The following DHX9 variants were observed in gnomAD, a reference collection of about 807,000 sequenced individuals.
The protein encoded by DHX9 is ATP-dependent RNA helicase A.
A neutral mutation model predicts 148.7 loss-of-function variants in DHX9; 27 were observed. The ratio of observed to expected loss-of-function variants is 0.18; its 90% CI spans 0.13 to 0.25. The LOEUF is 0.25. DHX9 is among the 10% of genes least tolerant of loss of function. The probability of loss-of-function intolerance (pLI) is 1.00; values close to 1 mark genes in which losing one functional copy is unlikely to be tolerated. For missense variants in DHX9, 796 were observed against 1,559.6 expected, an observed-to-expected ratio of 0.51 and a Z score of 8.25; for synonymous variants, 529 against 516.6, an observed-to-expected ratio of 1.02 and a Z score of -0.33.
chr1:182,864,078 C>T (rs578201425), intron 12 of DHX9, among the ~76,000 whole-genome samples: 21 of 152,086 alleles, frequency 1.4e-4, no homozygotes, highest in Non-Finnish European at 2.6e-4. Flanking sequence ...GTGGGAGGAT[C>T]GCTTGAACCT....
intron 1 of DHX9, among the ~76,000 whole-genome samples, chr1:182,841,832 A>G (rs544362934): frequency 2.4e-4 from 36 of 152,236 alleles, no homozygotes; most frequent in Non-Finnish European, 4.0e-4. Flanking sequence ...GCACTTCAAG[A>G]AAACTTTAAT....
At chr1:182,866,866 T>TC in intron 13 of DHX9, 95 bp from the exon 14 acceptor site, 3 of 957,270 alleles carry the variant, frequency 3.1e-6, no homozygotes, top group Non-Finnish European at 4.8e-6. Flanking sequence ...TTTTCTAAAA[T>TC]GATGCTGGGG....
Position 182,878,189 on chromosome 1 carries a change from G to C in DHX9, c.2351+16G>C. Reference sequence around the variant, plus strand: ...GTTTTGAGAGGTAAGACCCATTCTTGACCTTTAGTAAGGGATTTTTGTTCT... The same window carrying C: ...GTTTTGAGAGGTAAGACCCATTCTTCACCTTTAGTAAGGGATTTTTGTTCT... On this transcript the variant is annotated intron_variant, in intron 20 of 27. Coordinates refer to ENST00000367549, the MANE Select transcript of DHX9 (RefSeq NM_001357.5). 6.2e-7 allele frequency: 1 copy of C among 1,613,496 alleles called. No homozygotes were observed.
chr1:182,869,589 G>A (rs533093553), intron 14 of DHX9, among the ~76,000 whole-genome samples: 65 of 151,880 alleles, frequency 4.3e-4, no homozygotes, highest in African/African-American at 1.6e-3. Context: ...GTCTAGTTTG[G>A]TCTGGTCCAG....
At position 182,866,503 on chromosome 1, in the gene DHX9, G is replaced by T. The variant is rs1648302919; in HGVS notation, c.1392G>T (p.Glu464Asp). ...AERVAFERGE[E>D]PGKSCGYSVR... ...GAGTTGCATTTGAAAGAGGAGAAGAGCCTGGAAAAAGCTGTGGCTACAGCG... is the reference window on the plus strand; with the variant it reads ...GAGTTGCATTTGAAAGAGGAGAAGATCCTGGAAAAAGCTGTGGCTACAGCG... The change falls in exon 13 of 28, where the codon GAG becomes GAT. Residue 464 changes from glutamate (E) to aspartate (D), a missense_variant. Coordinates refer to ENST00000367549, the MANE Select transcript of DHX9 (RefSeq NM_001357.5). 6.2e-7 allele frequency: 1 copy of T among 1,614,054 alleles called. No individual in the cohort carries two copies. The highest frequency in any genetic ancestry group is 8.5e-7 in the Non-Finnish European group (1 of 1,180,026).
chr1:182,887,232 A>G lies in DHX9; in HGVS notation c.3611A>G (p.Asn1204Ser), dbSNP rs1490089314. 6 of 1,613,930 alleles carry G rather than the reference A, an allele frequency of 3.7e-6. No individual in the cohort carries two copies. Among genetic ancestry groups the G allele is most frequent in the Non-Finnish European group, 5.1e-6 (6 of 1,179,986 alleles). The change falls in exon 28 of 28, where the codon AAC (asparagine) becomes AGC (serine). Residue 1204 changes from asparagine to serine, a missense_variant. Asn to Ser is a conservative substitution (Grantham distance 46, BLOSUM62 1). Transcript: ENST00000367549. ...YGSGGYGGSA[N>S]SFRAGYGAGV... ...AGCGGAGGCTATGGTGGCAGCGCCAACTCCTTTCGGGCAGGATATGGTGCA... is the reference window on the plus strand; with the variant it reads ...AGCGGAGGCTATGGTGGCAGCGCCAGCTCCTTTCGGGCAGGATATGGTGCA...
Position 182,856,567 on chromosome 1 carries a change from A to G in DHX9, c.662A>G (p.Gln221Arg). Reference sequence around the variant, plus strand: ...GCAGAAATGACCATTTATATCAAGCAGCTGGGCAGAAGTAAGTGTTACTGT... The same window carrying G: ...GCAGAAATGACCATTTATATCAAGCGGCTGGGCAGAAGTAAGTGTTACTGT... Reference protein sequence around the residue: ...FIAEMTIYIKQLGRRIFAREH... With the variant: ...FIAEMTIYIKRLGRRIFAREH... The change falls in exon 7 of 28, where the codon CAG becomes CGG. Residue 221 changes from glutamine to arginine, a missense_variant. Physicochemically the swap from Gln to Arg is conservative, Grantham distance 43 (BLOSUM62 1). Coordinates refer to ENST00000367549, the MANE Select transcript of DHX9 (RefSeq NM_001357.5). 6.2e-7 allele frequency: 1 copy of G among 1,614,044 alleles called. No individual in the cohort carries two copies. Among genetic ancestry groups the G allele is most frequent in the African/African-American group, 1.3e-5 (1 of 75,070 alleles).
chr1:182,870,679 CAT>C (rs1469743727), intron 14 of DHX9, among the ~76,000 whole-genome samples: 3 of 152,120 alleles, frequency 2.0e-5, no homozygotes, highest in African/African-American at 7.2e-5. Flanking sequence ...CGTGTTGACA[CAT>C]GAAAGAGTTT....
In DHX9 at chr1:182,852,341, G is replaced by A. The variant is rs1282813711; in HGVS notation, c.361G>A (p.Ala121Thr). Residue 121 changes from alanine (A) to threonine (T), a missense_variant, in exon 4 of 28, where the codon GCA (alanine) becomes ACA (threonine). Ala to Thr is a moderately conservative substitution (Grantham distance 58). Around this residue, in one of 14 missense-constraint regions of DHX9, gnomAD observed 89 missense variants for 77.5 expected, o/e 1.15. Coordinates refer to ENST00000367549, the MANE Select transcript of DHX9 (RefSeq NM_001357.5). ...TCTTCCTCCACATCTGGCTCTCAAA[G>A]CAGGTAAGGGACTTGAATCCATGCA... is the stretch of plus-strand genomic sequence containing the variant. Reference protein sequence around the residue: ...GPLPPHLALKAENNSEVGASG... With the variant: ...GPLPPHLALKTENNSEVGASG... 1.9e-6 allele frequency: 3 copies of A among 1,603,706 alleles called. No homozygotes were observed. Among genetic ancestry groups the A allele is most frequent in the Non-Finnish European group, 2.6e-6 (3 of 1,173,630 alleles).
intron 5 of DHX9, 37 bp from the exon 6 acceptor site, chr1:182,853,993 T>G: frequency 6.2e-7 from 1 of 1,602,856 alleles, no homozygotes. Context: ...ATACCTAAAC[T>G]TAACACAGCC....
intron 14 of DHX9, among the ~76,000 whole-genome samples, chr1:182,870,797 AAC>A (rs534224877): frequency 4.5e-4 from 68 of 152,356 alleles, no homozygotes; most frequent in African/African-American, 1.6e-3. Flanking sequence ...TTTTTCTAGT[AAC>A]ACATTTAAAA....
intron 3 of DHX9, among the ~76,000 whole-genome samples, chr1:182,851,915 G>A (rs748576122): frequency 1.3e-5 from 2 of 152,186 alleles, no homozygotes; most frequent in Non-Finnish European, 2.9e-5. Context: ...TGTTAAGGTA[G>A]TAAACACTAC....
At chr1:182,848,913 A>C (rs115799071) in intron 3 of DHX9, among the ~76,000 whole-genome samples, 2 of 152,312 alleles carry the variant, frequency 1.3e-5, no homozygotes, top group African/African-American at 4.8e-5. Flanking sequence ...ATCTCATGAG[A>C]ACTCACTCAC....
At chr1:182,849,311 T>G (rs1260040041) in intron 3 of DHX9, among the ~76,000 whole-genome samples, 1 of 152,206 alleles carries the variant, frequency 6.6e-6, no homozygotes, top group African/African-American at 2.4e-5. Flanking sequence ...TTTTACTCAT[T>G]TCTAACTACT....
At chr1:182,854,697 G>A (rs796667687) in intron 6 of DHX9, among the ~76,000 whole-genome samples, 42 of 152,268 alleles carry the variant, frequency 2.8e-4, no homozygotes, top group African/African-American at 9.9e-4. Context: ...TCGTAAGGTC[G>A]AAAAGGAACA....
intron 12 of DHX9, among the ~76,000 whole-genome samples, chr1:182,861,934 A>G (rs1336636654): frequency 6.6e-6 from 1 of 152,252 alleles, no homozygotes; most frequent in East Asian, 1.9e-4. Context: ...TAGTTCAGCC[A>G]TGAAGGTACA....
At chr1:182,843,782 G>A (rs2102587138) in intron 3 of DHX9, among the ~76,000 whole-genome samples, 1 of 152,240 alleles carries the variant, frequency 6.6e-6, no homozygotes, top group South Asian at 2.1e-4. Context: ...TTTTAGACAT[G>A]TTTGCTCCCA....
chr1:182,850,468 G>T (rs898445856), intron 3 of DHX9, among the ~76,000 whole-genome samples: 6 of 151,954 alleles, frequency 3.9e-5, no homozygotes, highest in Non-Finnish European at 8.8e-5. Flanking sequence ...GGTGGTGGCT[G>T]CCCGTAGTCC....
chr1:182,844,506 G>T (rs1035889680), intron 3 of DHX9, among the ~76,000 whole-genome samples: 3 of 152,090 alleles, frequency 2.0e-5, no homozygotes, highest in Non-Finnish European at 4.4e-5. Flanking sequence ...GCTACACTAG[G>T]CTCTAGTAGT....
Sources: allele counts gnomAD v4.1 joint callset (sites outside exome capture counted in the v4.1 genomes callset), GRCh38; gene constraint gnomAD v4.1.1; regional missense constraint gnomAD v4.1.1; transcripts MANE v1.5; gene names NCBI Gene and HGNC (gene_info 2026-07-23, HGNC 2026-07-21).